The following MNAT1 variants were observed in gnomAD, a reference collection of about 807,000 sequenced individuals.
MNAT1 encodes MNAT1 component of CDK activating kinase.
Under a neutral mutation model 42.0 loss-of-function variants are expected in MNAT1, and 43 were observed. The observed-to-expected ratio is 1.02, with a 90% CI of 0.80 to 1.32. The LOEUF (loss-of-function observed/expected upper bound fraction) is 1.32. Among genes scored for constraint, MNAT1 ranks in the 40% most tolerant of loss-of-function variants. The pLI is 0.00. For synonymous variants in MNAT1, 118 were observed against 120.0 expected, an observed-to-expected ratio of 0.98 and a Z score of 0.11; for missense variants, 306 against 350.4, an observed-to-expected ratio of 0.87 and a Z score of 1.01.
At chr14:60,785,343 A>G (rs1177602419) in intron 1 of MNAT1, among the ~76,000 whole-genome samples, 1 of 152,234 alleles carries the variant, frequency 6.6e-6, no homozygotes, top group Non-Finnish European at 1.5e-5. Flanking sequence ...AATATAAAAT[A>G]TAACTTAGGT....
intron 7 of MNAT1, among the ~76,000 whole-genome samples, chr14:60,943,043 T>A (rs866765322): frequency 1.1e-5 from 1 of 95,158 alleles, no homozygotes; most frequent in Admixed American, 1.1e-4. Context: ...TGTGTGTGTG[T>A]GTGTGTGCGC....
chr14:60,740,338 CT>C lies in MNAT1; in HGVS notation c.89+5394del, dbSNP rs988459432. Among the ~76,000 whole-genome samples the C allele has an allele frequency of 1.3e-5, 2 of 152,024 alleles. No individual in the cohort carries two copies. Among genetic ancestry groups the C allele is most frequent in the African/African-American group, 2.4e-5 (1 of 41,414 alleles). On this transcript the variant is annotated intron_variant, in intron 1 of 7. Transcript: ENST00000261245. The surrounding 1 kb of genome is among the most constrained non-coding windows in gnomAD (Gnocchi z 4.1). ...ATAGTTACTTAACATCTTTCTCTTT[CT>C]TTTTTTCCCTTTTTTTTCTGTTCTC...
At chr14:60,833,501 AC>A (rs2033284503) in intron 6 of MNAT1, among the ~76,000 whole-genome samples, 2 of 152,124 alleles carry the variant, frequency 1.3e-5, no homozygotes, top group Admixed American at 1.3e-4. Flanking sequence ...CATATGTTGA[AC>A]CAACCTTGCA....
rs2036716252 is a variant in MNAT1 at position 60,968,152 on chromosome 14, T to G, written c.810-77T>G. The G allele has an allele frequency of 8.3e-6, 9 of 1,085,786 alleles. No homozygotes were observed. The Admixed American group carries it at 1.5e-4, about 18-fold the overall frequency. 67.3% of individuals were successfully genotyped at this position (1,085,786 alleles called of 1,614,324 possible). A position where few individuals can be genotyped will look rare whatever the true frequency, so the allele number is the denominator to read the frequency against. On this transcript the variant is annotated intron_variant, in intron 7 of 7. Transcript: ENST00000261245. Reference sequence around the variant, plus strand: ...ATTCCTCTTTAAAACTTGAATCAGTTTTACTATTGCTTTTTAAAATGTTAC... The same window carrying G: ...ATTCCTCTTTAAAACTTGAATCAGTGTTACTATTGCTTTTTAAAATGTTAC...
intron 7 of MNAT1, among the ~76,000 whole-genome samples, chr14:60,941,371 A>T (rs543358497): frequency 6.6e-6 from 1 of 152,304 alleles, no homozygotes; most frequent in Admixed American, 6.5e-5. Context: ...GTGAAACAAA[A>T]GTTTGTTCTC....
At chr14:60,838,167 C>G (rs530444833) in intron 6 of MNAT1, among the ~76,000 whole-genome samples, 7 of 151,682 alleles carry the variant, frequency 4.6e-5, no homozygotes, top group African/African-American at 1.7e-4. Flanking sequence ...CAGTATCTCA[C>G]TTTGTCACCC....
chr14:60,906,489 A>G (rs1420762322), intron 7 of MNAT1, among the ~76,000 whole-genome samples: 1 of 152,202 alleles, frequency 6.6e-6, no homozygotes, highest in Admixed American at 6.5e-5. Flanking sequence ...TTGTCCCAGC[A>G]TGGTAGCAGT....
chr14:60,799,917 G>T (rs2032148857), intron 3 of MNAT1, among the ~76,000 whole-genome samples: 1 of 151,982 alleles, frequency 6.6e-6, no homozygotes, highest in East Asian at 1.9e-4. Flanking sequence ...ATTTGAAAGT[G>T]ATTCTGCTAT....
chr14:60,772,916 CATTTATTTATTT>C (rs201818233), intron 1 of MNAT1, among the ~76,000 whole-genome samples: 4,180 of 141,840 alleles, frequency 0.029, 93 homozygotes, highest in Middle Eastern at 0.054. Context: ...TTTTTTAAAA[CATTTATTTATTT>C]ATTTATTTAT....
intron 6 of MNAT1, among the ~76,000 whole-genome samples, chr14:60,843,904 CTT>C (rs2033614052): frequency 6.6e-6 from 1 of 152,094 alleles, no homozygotes; most frequent in African/African-American, 2.4e-5. Flanking sequence ...TGTTTAGAAA[CTT>C]TGTAGTTTTT....
chr14:60,819,526 A>C (rs2032816810), intron 6 of MNAT1, among the ~76,000 whole-genome samples: 1 of 152,112 alleles, frequency 6.6e-6, no homozygotes, highest in African/African-American at 2.4e-5. Context: ...GTCTCATTAG[A>C]GTAGTATAAA....
intron 1 of MNAT1, among the ~76,000 whole-genome samples, chr14:60,774,350 A>C (rs2031171561): frequency 6.6e-6 from 1 of 152,190 alleles, no homozygotes; most frequent in Non-Finnish European, 1.5e-5. Flanking sequence ...GCATGTTGGA[A>C]GGAAAGAAAG....
At chr14:60,848,087 A>G (rs181392647) in intron 6 of MNAT1, among the ~76,000 whole-genome samples, 4 of 152,294 alleles carry the variant, frequency 2.6e-5, no homozygotes, top group African/African-American at 9.6e-5. Flanking sequence ...TTTAGCCTGC[A>G]GGACATCTTT....
intron 1 of MNAT1, among the ~76,000 whole-genome samples, chr14:60,779,711 G>A (rs995047465): frequency 6.6e-6 from 1 of 151,886 alleles, no homozygotes; most frequent in African/African-American, 2.4e-5. Flanking sequence ...GCTTGAACCC[G>A]GGAGGTGGAG....
At chr14:60,839,902 G>A (rs1301468632) in intron 6 of MNAT1, among the ~76,000 whole-genome samples, 2 of 152,152 alleles carry the variant, frequency 1.3e-5, no homozygotes, top group East Asian at 1.9e-4. Flanking sequence ...TGCCAGACTC[G>A]CCTTTGGCAG....
At chr14:60,743,423 G>A (rs1003773908) in intron 1 of MNAT1, among the ~76,000 whole-genome samples, 1 of 152,056 alleles carries the variant, frequency 6.6e-6, no homozygotes. Context: ...TGAGTAACTG[G>A]GATTACAGGT....
At chr14:60,840,931 C>A (rs1321283584) in intron 6 of MNAT1, among the ~76,000 whole-genome samples, 1 of 152,146 alleles carries the variant, frequency 6.6e-6, no homozygotes, top group East Asian at 1.9e-4. Flanking sequence ...TCCCAAGGTG[C>A]TGGGATTACA....
chr14:60,796,967 A>G (rs1018175240), intron 2 of MNAT1, among the ~76,000 whole-genome samples: 2 of 152,114 alleles, frequency 1.3e-5, no homozygotes, highest in Non-Finnish European at 2.9e-5. Context: ...AGATATACAC[A>G]CATGGGCATA....
At chr14:60,829,153 G>C (rs903354973) in intron 6 of MNAT1, among the ~76,000 whole-genome samples, 3 of 152,098 alleles carry the variant, frequency 2.0e-5, no homozygotes, top group Admixed American at 6.6e-5. Flanking sequence ...TTACAAAGTT[G>C]GTTCCCTTTG....
Sources: allele counts gnomAD v4.1 joint callset (sites outside exome capture counted in the v4.1 genomes callset), GRCh38; gene constraint gnomAD v4.1.1; non-coding constraint Gnocchi (gnomAD v3.1); transcripts MANE v1.5; gene names NCBI Gene and HGNC (gene_info 2026-07-23, HGNC 2026-07-21).